Variants in CALN1 observed in about 807,000 individuals in gnomAD.
CALN1 encodes the protein calcium-binding protein 8.
In CALN1, 17 loss-of-function variants were observed where a neutral mutation model predicts 30.6. The observed-to-expected ratio is 0.56, with a 90% CI of 0.38 to 0.83. The LOEUF is 0.83. CALN1 is among the 40% of genes least tolerant of loss of function. The pLI is 0.00. For synonymous variants in CALN1, 156 were observed against 131.4 expected, an observed-to-expected ratio of 1.19 and a Z score of -1.28; for missense variants, 291 against 354.9, an observed-to-expected ratio of 0.82 and a Z score of 1.45.
the CALN1 span, among the ~76,000 whole-genome samples, chr7:72,465,611 T>G: frequency 6.6e-6 from 1 of 152,160 alleles, no homozygotes; most frequent in East Asian, 1.9e-4. Context: ...GGTTTTATAA[T>G]GTCACAGTCA....
intron 6 of CALN1, among the ~76,000 whole-genome samples, chr7:71,806,275 C>CACACATGCACACACACAA (rs1787613608): frequency 1.4e-5 from 2 of 140,354 alleles, no homozygotes; most frequent in Admixed American, 6.8e-5. Flanking sequence ...CACACAAACA[C>CACACATGCACACACACAA]ACACACACAC....
At chr7:72,203,394 G>A (rs1184087701) in intron 3 of CALN1, among the ~76,000 whole-genome samples, 1 of 151,954 alleles carries the variant, frequency 6.6e-6, no homozygotes, top group Non-Finnish European at 1.5e-5. Context: ...GAAACAATGA[G>A]TAGGTCATAG....
intron 3 of CALN1, among the ~76,000 whole-genome samples, chr7:72,202,095 T>C (rs1468453703): frequency 6.6e-6 from 1 of 151,978 alleles, no homozygotes; most frequent in African/African-American, 2.4e-5. Flanking sequence ...GAGAGCCTCC[T>C]AAAGGAAAAA....
intron 5 of CALN1, among the ~76,000 whole-genome samples, chr7:71,949,190 G>A (rs1427424875): frequency 6.6e-6 from 1 of 152,114 alleles, no homozygotes; most frequent in Non-Finnish European, 1.5e-5. Context: ...AGGCTATGAG[G>A]CAGGAGAATA....
intron 2 of CALN1, among the ~76,000 whole-genome samples, chr7:72,294,268 A>T (rs924481608): frequency 7.2e-5 from 11 of 152,182 alleles, no homozygotes; most frequent in African/African-American, 2.7e-4. Context: ...TTGTAAGTCA[A>T]ATGTAATAGA....
chr7:71,943,261 G>A (rs79681476), intron 5 of CALN1, among the ~76,000 whole-genome samples: 9 of 152,198 alleles, frequency 5.9e-5, no homozygotes, highest in Non-Finnish European at 8.8e-5. Context: ...ACACACACGC[G>A]AAACAACACA....
chr7:72,309,233 C>G (rs2129556247), intron 2 of CALN1, among the ~76,000 whole-genome samples: 1 of 152,272 alleles, frequency 6.6e-6, no homozygotes, highest in South Asian at 2.1e-4. Context: ...ATGGAGAAGA[C>G]ACAACTAAAG....
At chr7:72,071,518 T>C (rs114553288) in intron 4 of CALN1, among the ~76,000 whole-genome samples, 72 of 152,226 alleles carry the variant, frequency 4.7e-4, no homozygotes, top group African/African-American at 1.7e-3. Flanking sequence ...AAATCATGCA[T>C]ATCCATGAAA....
At chr7:72,315,575 G>C (rs1358393335) in intron 2 of CALN1, among the ~76,000 whole-genome samples, 2 of 151,802 alleles carry the variant, frequency 1.3e-5, no homozygotes, top group Admixed American at 6.6e-5. Flanking sequence ...TGTGGTGGTG[G>C]ATGCCTGTAG....
chr7:72,166,652 A>T (rs1788545192), intron 3 of CALN1, among the ~76,000 whole-genome samples: 1 of 152,252 alleles, frequency 6.6e-6, no homozygotes, highest in South Asian at 2.1e-4. Context: ...TGGGAAACAG[A>T]GTGGAGTGGC....
chr7:72,138,216 T>C (rs978975399), intron 3 of CALN1, among the ~76,000 whole-genome samples: 3 of 152,044 alleles, frequency 2.0e-5, no homozygotes, highest in Non-Finnish European at 4.4e-5. Context: ...ATAAAGGAAA[T>C]ATATGACATG....
At chr7:72,337,883 G>A (rs1053809657) in intron 2 of CALN1, 10 of 152,404 alleles carry the variant, frequency 6.6e-5, no homozygotes, top group African/African-American at 2.4e-4. Flanking sequence ...TTGGGCAGAG[G>A]TGTGAGCTAC....
chr7:71,925,954 A>C (rs909811036), intron 5 of CALN1, among the ~76,000 whole-genome samples: 12 of 152,012 alleles, frequency 7.9e-5, no homozygotes, highest in African/African-American at 2.9e-4. Flanking sequence ...CCTGGGTTTA[A>C]ATGATTCTCC....
At chr7:72,334,284 G>A (rs1801859995) in intron 2 of CALN1, among the ~76,000 whole-genome samples, 1 of 152,106 alleles carries the variant, frequency 6.6e-6, no homozygotes, top group Non-Finnish European at 1.5e-5. Flanking sequence ...CACTGCATAG[G>A]TGGTCAATAC....
At chr7:71,982,329 T>A (rs547806148) in intron 5 of CALN1, among the ~76,000 whole-genome samples, 2 of 152,328 alleles carry the variant, frequency 1.3e-5, no homozygotes, top group Admixed American at 1.3e-4. Context: ...GCACAGTGGC[T>A]TACGCCTGTA....
chr7:71,994,093 C>G (rs1256504823), intron 5 of CALN1, among the ~76,000 whole-genome samples: 1 of 152,032 alleles, frequency 6.6e-6, no homozygotes, highest in Admixed American at 6.6e-5. Flanking sequence ...CCAACCCCTA[C>G]TATAAAAATT....
At chr7:72,274,325 T>C (rs1797198941) in intron 3 of CALN1, among the ~76,000 whole-genome samples, 1 of 152,038 alleles carries the variant, frequency 6.6e-6, no homozygotes, top group Non-Finnish European at 1.5e-5. Flanking sequence ...CTGGCCAACA[T>C]GGTGAAACCC....
chr7:71,951,440 A>T (rs1006089804), intron 5 of CALN1, among the ~76,000 whole-genome samples: 1 of 152,064 alleles, frequency 6.6e-6, no homozygotes, highest in Non-Finnish European at 1.5e-5. Context: ...AAAATACAAA[A>T]ATTAGCTGGG....
chr7:71,939,572 CA>C (rs35583884), intron 5 of CALN1, among the ~76,000 whole-genome samples: 3,167 of 131,376 alleles, frequency 0.024, 84 homozygotes, highest in African/African-American at 0.064. Flanking sequence ...GATGTTGTCT[CA>C]AAAAAAAAAA....
Sources: allele counts gnomAD v4.1 joint callset (sites outside exome capture counted in the v4.1 genomes callset), GRCh38; gene constraint gnomAD v4.1.1; transcripts MANE v1.5; gene names NCBI Gene and HGNC (gene_info 2026-07-23, HGNC 2026-07-21).